The following TPM3 variants were observed in gnomAD, a reference collection of about 807,000 sequenced individuals.
TPM3 encodes the protein tropomyosin alpha-3 chain.
TPM3 carries 16 observed loss-of-function variants against 43.1 expected under a neutral mutation model. That is an observed-to-expected ratio of 0.37 (90% confidence interval 0.25 to 0.56). The LOEUF (loss-of-function observed/expected upper bound fraction) is 0.56. Ranked by LOEUF, TPM3 falls within the 20% of genes least tolerant of loss-of-function variation. The pLI, the probability that TPM3 is intolerant of heterozygous loss-of-function variation, is 0.77. For missense variants in TPM3, 176 were observed against 337.2 expected, an observed-to-expected ratio of 0.52 and a Z score of 3.74; for synonymous variants, 101 against 116.9, an observed-to-expected ratio of 0.86 and a Z score of 0.88.
downstream of TPM3, chr1:154,155,808 CTGAGA>C (rs1659742637): frequency 1.3e-5 from 3 of 223,328 alleles, no homozygotes; most frequent in Admixed American, 1.7e-4. Flanking sequence ...ATAGTTCAGC[CTGAGA>C]TGTCAGTGTT....
intron 2 of TPM3, chr1:154,183,852 C>CCTTTTT (rs1370162556): frequency 3.0e-5 from 3 of 99,312 alleles, no homozygotes; most frequent in African/African-American, 7.8e-5. Context: ...GACTTTTCTC[C>CCTTTTT]TTTTTTTTTT....
intron 5 of TPM3, 92 bp from the exon 6 acceptor site, chr1:154,171,580 TA>T: frequency 7.2e-7 from 1 of 1,396,538 alleles, no homozygotes; most frequent in Non-Finnish European, 1.0e-6. Flanking sequence ...ATTGAACCTA[TA>T]TGTAGAGAGA....
At chr1:154,161,119 T>C (rs1386591312), downstream of TPM3, among the ~76,000 whole-genome samples, 3 of 84,920 alleles carry the variant, frequency 3.5e-5, no homozygotes, top group Non-Finnish European at 6.7e-5. Flanking sequence ...CTGGAAAGTA[T>C]AATGCAAATA....
At chr1:154,158,203 G>A (rs116163515), downstream of TPM3, among the ~76,000 whole-genome samples, 155 of 152,234 alleles carry the variant, frequency 1.0e-3, 1 homozygote, top group African/African-American at 3.6e-3. Flanking sequence ...TAACTGATGG[G>A]ATAAATAAAA....
In TPM3 at chr1:154,170,810, T is replaced by G; in HGVS notation, c.643-99A>C. The G allele has an allele frequency of 5.8e-6, 5 of 861,954 alleles. No individual in the cohort carries two copies. The Admixed American group carries it at 8.9e-5, about 15-fold the overall frequency. The allele number at this position is 861,954 out of a possible 1,614,324, so 53.4% of individuals were successfully genotyped here. ...ACTTACATTGAATATCCTCTTGCAC[T>G]AAATGTGCTGAATGGTCCAAGAGTA... is the stretch of plus-strand genomic sequence containing the variant. On this transcript the variant is annotated intron_variant, in intron 6 of 9. Coordinates refer to ENST00000651641, the MANE Select transcript of TPM3 (RefSeq NM_152263.4).
chr1:154,172,453 T>A, intron 5 of TPM3: 1 of 514,810 alleles, frequency 1.9e-6, no homozygotes, highest in South Asian at 1.5e-5. Flanking sequence ...GGACAGGGTC[T>A]CCCTATGACG....
chr1:154,161,579 G>A (rs1406092662), downstream of TPM3, among the ~76,000 whole-genome samples: 2 of 151,454 alleles, frequency 1.3e-5, no homozygotes, highest in Admixed American at 1.3e-4. Flanking sequence ...GGGATTACAG[G>A]CACCCACCAC....
intron 2 of TPM3, among the ~76,000 whole-genome samples, chr1:154,177,586 T>C (rs1170829959): frequency 6.6e-6 from 1 of 152,188 alleles, no homozygotes; most frequent in African/African-American, 2.4e-5. Flanking sequence ...GAATTTAATA[T>C]GCCCCGCACA....
intron 2 of TPM3, among the ~76,000 whole-genome samples, chr1:154,181,348 A>G (rs935855162): frequency 6.6e-6 from 1 of 152,094 alleles, no homozygotes; most frequent in Non-Finnish European, 1.5e-5. Flanking sequence ...TCCCCCTCCC[A>G]AAAACATTCT....
rs1396847158 is a variant in TPM3, at chr1:154,167,002, A to G, written c.*935T>C. 6.6e-6 allele frequency among the ~76,000 whole-genome samples: 1 copy of G among 152,206 alleles called. No individual in the cohort carries two copies. Among genetic ancestry groups the G allele is most frequent in the Non-Finnish European group, 1.5e-5 (1 of 68,042 alleles). On this transcript the variant is annotated 3_prime_UTR_variant, in exon 10 of 10. Transcript: ENST00000651641. ...CCGGCCTATAATGGGAATTTCTAAA[A>G]TGTTGATATTTAATTCCACAATATG...
downstream of TPM3, chr1:154,159,151 G>A: frequency 1.4e-6 from 1 of 718,354 alleles, no homozygotes; most frequent in South Asian, 1.4e-5. Flanking sequence ...AGTAAATTAT[G>A]AGTCTTTCAA....
chr1:154,160,897 G>T (rs1194894959), downstream of TPM3, among the ~76,000 whole-genome samples: 1 of 152,082 alleles, frequency 6.6e-6, no homozygotes, highest in South Asian at 2.1e-4. Flanking sequence ...AGATGTGTGT[G>T]TTTGTGTGTG....
intron 2 of TPM3, among the ~76,000 whole-genome samples, chr1:154,183,449 C>T (rs1270984607): frequency 6.6e-6 from 1 of 152,178 alleles, no homozygotes; most frequent in African/African-American, 2.4e-5. Flanking sequence ...TAGCCTCTCC[C>T]GCCAGGCTGG....
rs34360728 is a variant in TPM3 at position 154,175,330 on chromosome 1, C to CAAA, written c.377+782_377+784dup. On this transcript the variant is annotated intron_variant, in intron 3 of 9. Transcript: ENST00000651641. ...TGGGCTATAGAGCGAGACTCTGTCT[C>CAAA]AAAAAAAAAAAAAAAAAAAAAATTA... 4.6e-3 allele frequency among the ~76,000 whole-genome samples: 407 copies of CAAA among 88,974 alleles called. 10 individuals are homozygous for CAAA. The highest frequency in any genetic ancestry group is 0.014 in the African/African-American group (319 of 22,028). The allele number at this position is 88,974 out of a possible 152,430, so 58.4% of individuals were successfully genotyped here.
chr1:154,169,499 C>T (rs1279571266), intron 8 of TPM3, 116 bp from the exon 9 acceptor site: 1 of 1,012,476 alleles, frequency 9.9e-7, no homozygotes, highest in Non-Finnish European at 1.5e-6. Context: ...GGTCTAATAC[C>T]ACAGTTAGGA....
intron 5 of TPM3, chr1:154,171,842 G>A: frequency 2.7e-6 from 2 of 741,532 alleles, no homozygotes; most frequent in South Asian, 1.5e-5. Flanking sequence ...CTGTGGAGAG[G>A]CAGTGAAGCA....
intron 2 of TPM3, among the ~76,000 whole-genome samples, chr1:154,187,033 T>C (rs1207291096): frequency 2.0e-5 from 3 of 151,742 alleles, no homozygotes; most frequent in African/African-American, 7.3e-5. Context: ...TTCCTTTGTA[T>C]TGGACAGAGT....
downstream of TPM3, chr1:154,155,603 G>A (rs1659718862): frequency 4.2e-6 from 1 of 235,364 alleles, no homozygotes; most frequent in Non-Finnish European, 8.4e-6. Flanking sequence ...CACTCACACA[G>A]CCGGCCTCTA....
downstream of TPM3, among the ~76,000 whole-genome samples, chr1:154,160,612 G>A (rs1466929781): frequency 6.6e-6 from 1 of 152,160 alleles, no homozygotes; most frequent in Non-Finnish European, 1.5e-5. Flanking sequence ...GAGATTTTGA[G>A]TATGTATGGG....
Sources: allele counts gnomAD v4.1 joint callset (sites outside exome capture counted in the v4.1 genomes callset), GRCh38; gene constraint gnomAD v4.1.1; transcripts MANE v1.5; gene names NCBI Gene and HGNC (gene_info 2026-07-23, HGNC 2026-07-21).